RNFT2: variants seen among roughly 807,000 people sequenced by gnomAD.
RNFT2 encodes the protein ring finger protein, transmembrane 2, also known as E3 ubiquitin-protein ligase RNFT2.
In RNFT2, 36 loss-of-function variants were observed where a neutral mutation model predicts 53.0. That is an observed-to-expected ratio of 0.68 (90% CI 0.52 to 0.90). The LOEUF (loss-of-function observed/expected upper bound fraction) is 0.90, where lower values mean the gene tolerates loss of function less well. RNFT2 is among the 40% of genes least tolerant of loss of function. RNFT2 has a pLI of 0.00. For synonymous variants in RNFT2, 260 were observed against 253.2 expected (o/e 1.03, Z -0.26); for missense variants, 514 against 585.6 (o/e 0.88, Z 1.26).
chr12:116,842,107 G>A (rs945120975), intron 10 of RNFT2, among the ~76,000 whole-genome samples: 1 of 150,690 alleles, frequency 6.6e-6, no homozygotes, highest in Non-Finnish European at 1.5e-5. Flanking sequence ...CTGCATCCAA[G>A]CTCCGCCGTG....
intron 5 of RNFT2, among the ~76,000 whole-genome samples, chr12:116,765,871 G>T (rs1872891499): frequency 6.6e-6 from 1 of 152,176 alleles, no homozygotes; most frequent in Non-Finnish European, 1.5e-5. Context: ...CCTAGAAAAA[G>T]TGAAAGCAGA....
intron 7 of RNFT2, among the ~76,000 whole-genome samples, chr12:116,814,035 A>G (rs1279558818): frequency 6.6e-6 from 1 of 152,212 alleles, no homozygotes; most frequent in Non-Finnish European, 1.5e-5. Context: ...AAAACAAGGT[A>G]AGCAGAGGAA....
At chr12:116,777,147 A>G (rs567229775) in intron 6 of RNFT2, among the ~76,000 whole-genome samples, 10 of 151,892 alleles carry the variant, frequency 6.6e-5, no homozygotes, top group Admixed American at 6.6e-4. Context: ...CAAACTCCTG[A>G]CCTCAAGTGA....
chr12:116,838,331 G>A (rs780864703), intron 10 of RNFT2, among the ~76,000 whole-genome samples: 2 of 152,202 alleles, frequency 1.3e-5, no homozygotes, highest in African/African-American at 2.4e-5. Flanking sequence ...CTCCTGGCAC[G>A]TGGTCAGGGT....
intron 1 of RNFT2, among the ~76,000 whole-genome samples, chr12:116,739,960 C>T (rs1871523249): frequency 6.6e-6 from 1 of 152,150 alleles, no homozygotes; most frequent in Non-Finnish European, 1.5e-5. Context: ...AATCCCAGCA[C>T]TTTGGGAGGC....
At chr12:116,827,362 T>C (rs1259175304) in intron 7 of RNFT2, among the ~76,000 whole-genome samples, 4 of 152,166 alleles carry the variant, frequency 2.6e-5, no homozygotes, top group African/African-American at 9.7e-5. Flanking sequence ...ACCCAAAAGA[T>C]GAATAGATGT....
At chr12:116,843,375 C>T (rs930565330) in intron 10 of RNFT2, among the ~76,000 whole-genome samples, 9 of 151,044 alleles carry the variant, frequency 6.0e-5, no homozygotes, top group South Asian at 2.1e-4. Context: ...TGCCTGTAGT[C>T]GAGCTACTCA....
chr12:116,826,397 C>T lies in RNFT2; in HGVS notation c.883-7395C>T, dbSNP rs147334791. Among the ~76,000 whole-genome samples the T allele has an allele frequency of 3.4e-3, 511 of 152,272 alleles. 3 individuals are homozygous for T. Among genetic ancestry groups the T allele is most frequent in the African/African-American group, 0.012 (480 of 41,554 alleles). ...TTTCCCCTTCACGGTGGCAGGGAGG[C>T]GAGACAGCTCATAATCTGATCGTAT... On this transcript the variant is annotated intron_variant, in intron 7 of 10. Coordinates refer to ENST00000257575, the MANE Select transcript of RNFT2 (RefSeq NM_001382266.1).
chr12:116,819,757 G>T (rs1339707339), intron 7 of RNFT2, among the ~76,000 whole-genome samples: 3 of 152,140 alleles, frequency 2.0e-5, no homozygotes, highest in Non-Finnish European at 4.4e-5. Context: ...TTGTATTGAG[G>T]CATAACTTAC....
At chr12:116,795,168 G>A (rs750390917) in intron 7 of RNFT2, among the ~76,000 whole-genome samples, 24 of 152,252 alleles carry the variant, frequency 1.6e-4, no homozygotes, top group Middle Eastern at 6.8e-3. Flanking sequence ...CACTTTGGGA[G>A]GCCAAGACAG....
At chr12:116,774,770 CGGGTGGA>C (rs528953787) in intron 6 of RNFT2, among the ~76,000 whole-genome samples, 7 of 121,292 alleles carry the variant, frequency 5.8e-5, no homozygotes, top group Admixed American at 3.5e-4. Context: ...TGTCAAGGTC[CGGGTGGA>C]GGGTGGAGGG....
At chr12:116,747,063 T>C (rs1871936446) in intron 3 of RNFT2, among the ~76,000 whole-genome samples, 1 of 152,200 alleles carries the variant, frequency 6.6e-6, no homozygotes, top group South Asian at 2.1e-4. Context: ...TTTATTCATT[T>C]ACTTATTTAT....
intron 6 of RNFT2, among the ~76,000 whole-genome samples, chr12:116,776,049 C>CA (rs995775011): frequency 2.6e-5 from 4 of 151,180 alleles, no homozygotes; most frequent in African/African-American, 4.9e-5. Flanking sequence ...AAAAAAAAAA[C>CA]AAAAAAACTC....
chr12:116,753,985 C>T lies in RNFT2; in HGVS notation c.552C>T (p.Gly184=). Residue 184 remains glycine (G), a splice_region_variant and synonymous_variant, in exon 5 of 11, where the codon GGC becomes GGT. Coordinates refer to ENST00000257575, the MANE Select transcript of RNFT2 (RefSeq NM_001382266.1). ...LAKLCFQHKL[G]IAVCIGMAST... is the part of the protein sequence containing the mutation. ...ATCAGGCCCTTCTCTGTCCCACAGGCATTGCTGTGTGCATCGGGATGGCCA... is the reference window on the plus strand; with the variant it reads ...ATCAGGCCCTTCTCTGTCCCACAGGTATTGCTGTGTGCATCGGGATGGCCA... The T allele has an allele frequency of 6.2e-7, 1 of 1,613,722 alleles. No individual in the cohort carries two copies. Among genetic ancestry groups the T allele is most frequent in the Non-Finnish European group, 8.5e-7 (1 of 1,179,680 alleles).
intron 7 of RNFT2, among the ~76,000 whole-genome samples, chr12:116,793,971 G>A (rs1874365394): frequency 6.6e-6 from 1 of 152,156 alleles, no homozygotes; most frequent in Admixed American, 6.5e-5. Flanking sequence ...ACTGTGGGCT[G>A]AATTCAGAGT....
At chr12:116,797,567 A>C (rs1005852861) in intron 7 of RNFT2, among the ~76,000 whole-genome samples, 3 of 151,278 alleles carry the variant, frequency 2.0e-5, no homozygotes, top group African/African-American at 7.3e-5. Flanking sequence ...ATTAAGTTAG[A>C]GTGAGGTCAC....
chr12:116,807,049 T>G (rs1875117713), intron 7 of RNFT2, among the ~76,000 whole-genome samples: 1 of 152,200 alleles, frequency 6.6e-6, no homozygotes, highest in East Asian at 1.9e-4. Context: ...TCAGTCACAC[T>G]TACCGCATGG....
Position 116,822,808 on chromosome 12 carries a change from C to G in RNFT2, c.883-10984C>G, listed in dbSNP as rs1257373783. On this transcript the variant is annotated intron_variant, in intron 7 of 10. Transcript: ENST00000257575. ...CCTGAGGAGTTCGAGACCAGCCTGG[C>G]CAACATGGTGAAACCCCATCTCTAC... 2.0e-5 allele frequency among the ~76,000 whole-genome samples: 3 copies of G among 152,004 alleles called. No individual in the cohort carries two copies. In the East Asian group the frequency reaches 5.8e-4, roughly 29 times the overall value.
At chr12:116,835,049 C>T (rs993736856) in intron 8 of RNFT2, among the ~76,000 whole-genome samples, 1 of 151,970 alleles carries the variant, frequency 6.6e-6, no homozygotes, top group Non-Finnish European at 1.5e-5. Flanking sequence ...GGTGTTTTAC[C>T]ATGTTGGCCA....
Sources: gnomAD v4.1 joint callset for allele counts (sites outside exome capture counted in the v4.1 genomes callset) on GRCh38, gnomAD v4.1.1 for gene constraint, MANE v1.5 for transcripts, NCBI Gene and HGNC (gene_info 2026-07-23, HGNC 2026-07-21) for gene names.